Variants in MASP1 observed in about 807,000 individuals in gnomAD.
The protein encoded by MASP1 is MBL associated serine protease 1, also known as mannan-binding lectin serine protease 1.
A neutral mutation model predicts 77.1 loss-of-function variants in MASP1; 59 were observed. That is an observed-to-expected ratio of 0.77 (90% CI 0.62 to 0.95). The LOEUF is 0.95. Among genes scored for constraint, MASP1 ranks in the 40% least tolerant of loss-of-function variants. The probability of loss-of-function intolerance (pLI) is 0.00; values close to 1 mark genes in which losing one functional copy is unlikely to be tolerated. For synonymous variants in MASP1, 362 were observed against 354.5 expected (o/e 1.02, Z -0.24); for missense variants, 885 against 912.9 (o/e 0.97, Z 0.39).
chr3:187,258,792 C>T (rs1426297608), intron 4 of MASP1, among the ~76,000 whole-genome samples: 2 of 152,234 alleles, frequency 1.3e-5, no homozygotes, highest in Admixed American at 6.5e-5. Context: ...AGTAATTTGG[C>T]TGTTTCTGTA....
exon 16 of MASP1, chr3:187,218,800 C>T (rs1046383983): frequency 3.9e-5 from 6 of 152,208 alleles, no homozygotes; most frequent in African/African-American, 1.2e-4. Flanking sequence ...CTAGAAGCTT[C>T]CTGAGAGAGG....
At chr3:187,286,334 T>C (rs1180571633) in intron 1 of MASP1, among the ~76,000 whole-genome samples, 1 of 152,272 alleles carries the variant, frequency 6.6e-6, no homozygotes, top group Non-Finnish European at 1.5e-5. Flanking sequence ...GACATTTCCA[T>C]TTTACTGTTG....
Position 187,256,691 on chromosome 3 carries a change from C to T in MASP1, c.717G>A (p.Glu239=). The change falls in exon 5 of 11, where the codon GAG becomes GAA. Residue 239 remains glutamate, a synonymous_variant. Coordinates refer to ENST00000296280, the MANE Select transcript of MASP1 (RefSeq NM_139125.4). Reference sequence around the variant, plus strand: ...TGATGTAGTCATAGGGGCAGGGCACCTCAGGATGGTCCTCAATGTCAAATA... The same window carrying T: ...TGATGTAGTCATAGGGGCAGGGCACTTCAGGATGGTCCTCAATGTCAAATA... ...EDIFDIEDHP[E]VPCPYDYIKI... 6.2e-7 allele frequency: 1 copy of T among 1,613,972 alleles called. No homozygotes were observed. The highest frequency in any genetic ancestry group is 8.5e-7 in the Non-Finnish European group (1 of 1,180,016).
At chr3:187,227,484 A>G (rs1032832611) in intron 11 of MASP1, among the ~76,000 whole-genome samples, 4 of 152,186 alleles carry the variant, frequency 2.6e-5, no homozygotes, top group African/African-American at 7.2e-5. Flanking sequence ...GCCCAGAGAC[A>G]TATCCAAGAT....
downstream of MASP1, among the ~76,000 whole-genome samples, chr3:187,230,483 C>T (rs560491225): frequency 1.3e-4 from 20 of 152,270 alleles, 1 homozygote; most frequent in Admixed American, 1.0e-3. Context: ...CTTTTTTCCC[C>T]TTAAGCTGCT....
At position 187,235,814 on chromosome 3, in the gene MASP1, C is replaced by A; in HGVS notation, c.2057G>T (p.Trp686Leu). 6.2e-7 allele frequency: 1 copy of A among 1,614,204 alleles called. No individual in the cohort carries two copies. The highest frequency in any genetic ancestry group is 8.5e-7 in the Non-Finnish European group (1 of 1,180,028). ...GCTGCCGCATTCTTCAGGTCCCCCC[C>A]AGGACACCAGGCCTTGCACCACCCA... is the stretch of plus-strand genomic sequence containing the variant. Reference protein sequence around the residue: ...QRWVVQGLVSWGGPEECGSKQ... With the variant: ...QRWVVQGLVSLGGPEECGSKQ... The change falls in exon 11 of 11, where the codon TGG becomes TTG. Residue 686 changes from tryptophan to leucine, a missense_variant. By Grantham distance (61) the Trp-to-Leu change is moderately conservative. Coordinates refer to ENST00000296280, the MANE Select transcript of MASP1 (RefSeq NM_139125.4).
chr3:187,237,718 TGCATGGCCCTTCCCAG>T (rs1431967351), intron 10 of MASP1, among the ~76,000 whole-genome samples: 9 of 152,206 alleles, frequency 5.9e-5, no homozygotes, highest in Non-Finnish European at 1.2e-4. Context: ...AGAACATGCT[TGCATGGCCCTTCCCAG>T]GCAGGGTGCT....
intron 10 of MASP1, among the ~76,000 whole-genome samples, chr3:187,237,627 C>T (rs981479950): frequency 1.3e-5 from 2 of 152,248 alleles, no homozygotes; most frequent in Non-Finnish European, 2.9e-5. Context: ...CCTGAGCATG[C>T]ACATGCACCA....
At chr3:187,228,409 C>G (rs1712564260) in intron 11 of MASP1, among the ~76,000 whole-genome samples, 1 of 152,080 alleles carries the variant, frequency 6.6e-6, no homozygotes, top group Admixed American at 6.6e-5. Flanking sequence ...GCAGAGTCTT[C>G]CCTCCCTCTG....
Position 187,247,243 on chromosome 3 carries a change from G to GT in MASP1, c.1090+3007dup, listed in dbSNP as rs375515834. On this transcript the variant is annotated intron_variant, in intron 8 of 10. Coordinates refer to ENST00000296280, the MANE Select transcript of MASP1 (RefSeq NM_139125.4). ...ACATGGAAAGGGGCACGGGGGTGTT[G>GT]TGGGTGGGGAGGGGTGGTGCAGCTC... is the stretch of plus-strand genomic sequence containing the variant. 530 of 1,610,728 alleles carry GT rather than the reference G, an allele frequency of 3.3e-4. 1 individual carries two copies. In the Middle Eastern group the frequency reaches 3.9e-3, roughly 12 times the overall value.
rs1367549098 is a variant in MASP1 at position 187,256,809 on chromosome 3, G to C, written c.599C>G (p.Pro200Arg). The C allele has an allele frequency of 6.2e-7, 1 of 1,614,028 alleles. No individual in the cohort carries two copies. Among genetic ancestry groups the C allele is most frequent in the South Asian group, 1.1e-5 (1 of 91,062 alleles). ...FTQRTGVITS[P>R]DFPNPYPKSS... ...CTTGGGGTAAGGGTTTGGGAAGTCA[G>C]GGCTGGTGATCACCCCAGTCCTTTG... The change falls in exon 5 of 11, where the codon CCT (proline) becomes CGT (arginine). Residue 200 changes from proline (P) to arginine (R), a missense_variant. Coordinates refer to ENST00000296280, the MANE Select transcript of MASP1 (RefSeq NM_139125.4).
chr3:187,226,412 A>G, exon 12 of MASP1: 1 of 1,607,058 alleles, frequency 6.2e-7, no homozygotes, highest in Non-Finnish European at 8.5e-7. Context: ...CTCACCCAGG[A>G]TGATTTTGAA....
At chr3:187,229,949 G>A (rs766946046), downstream of MASP1, 5 of 1,607,446 alleles carry the variant, frequency 3.1e-6, no homozygotes, top group Non-Finnish European at 4.3e-6. Flanking sequence ...GCTCCATCTT[G>A]CCCACTGCCA....
At position 187,242,827 on chromosome 3, in the gene MASP1, T is replaced by C. The variant is rs112555748; in HGVS notation, c.1228+657A>G. The C allele has an allele frequency of 5.4e-4, 86 of 158,818 alleles. No individual in the cohort carries two copies. In the Middle Eastern group the frequency reaches 0.02, roughly 36 times the overall value. The allele number at this position is 158,818 out of a possible 1,614,324, so 9.8% of individuals were successfully genotyped here. ...AGCCCCTGGGGCAGCCAGGGGTCTC[T>C]GCCAGGTGGCATGGATGGGGCCTGG... On this transcript the variant is annotated intron_variant, in intron 9 of 10. Coordinates refer to ENST00000296280, the MANE Select transcript of MASP1 (RefSeq NM_139125.4).
chr3:187,286,092 A>AAAC, intron 1 of MASP1, 36 bp from the exon 2 acceptor site: 1 of 1,491,446 alleles, frequency 6.7e-7, no homozygotes, highest in Non-Finnish European at 9.3e-7. Context: ...TTACATTTAT[A>AAAC]AACACAGGCC....
rs902779647 is a variant in MASP1, at chr3:187,267,099, A to C, written c.238-4379T>G. ...ATTGAAGCCCAGATAATTTGAACAA[A>C]TTGGGCAAGGTGACTGGTGAATCTA... is the stretch of plus-strand genomic sequence containing the variant. On this transcript the variant is annotated intron_variant, in intron 2 of 10. Transcript: ENST00000296280. 2.0e-5 allele frequency among the ~76,000 whole-genome samples: 3 copies of C among 152,254 alleles called. No individual in the cohort carries two copies. In the South Asian group the frequency reaches 6.2e-4, roughly 32 times the overall value.
intron 8 of MASP1, chr3:187,243,864 C>T: frequency 7.3e-6 from 4 of 549,144 alleles, no homozygotes; most frequent in Non-Finnish European, 1.3e-5. Flanking sequence ...ACTCACCTGC[C>T]CAGTGTCAAT....
chr3:187,236,579 A>G lies in MASP1; in HGVS notation c.1304-12T>C, dbSNP rs200055271. ...GGGCTGACCACACTCTGTAAGGAGAAAGAGGGAGCAGGGACAAGAGACAGA... is the reference window on the plus strand; with the variant it reads ...GGGCTGACCACACTCTGTAAGGAGAGAGAGGGAGCAGGGACAAGAGACAGA... On this transcript the variant is annotated splice_polypyrimidine_tract_variant and intron_variant, in intron 10 of 10. Transcript: ENST00000296280. 4.5e-5 allele frequency: 72 copies of G among 1,613,782 alleles called. 1 individual carries two copies. The Admixed American group carries it at 8.8e-4, about 20-fold the overall frequency.
chr3:187,244,725 T>A (rs570592142), intron 8 of MASP1: 3 of 152,316 alleles, frequency 2.0e-5, no homozygotes, highest in South Asian at 2.1e-4. Context: ...TTCTTAAGGA[T>A]CTGTTTTCCA....
Sources: allele counts gnomAD v4.1 joint callset (sites outside exome capture counted in the v4.1 genomes callset), GRCh38; gene constraint gnomAD v4.1.1; transcripts MANE v1.5; gene names NCBI Gene and HGNC (gene_info 2026-07-23, HGNC 2026-07-21).